Variants in PIP4P2 observed in about 807,000 individuals in gnomAD.
PIP4P2 encodes type 2 phosphatidylinositol 4,5-bisphosphate 4-phosphatase.
In PIP4P2, 19 loss-of-function variants were observed where a neutral mutation model predicts 33.3. The ratio of observed to expected loss-of-function variants is 0.57; its 90% CI spans 0.40 to 0.84. The LOEUF (loss-of-function observed/expected upper bound fraction) is 0.84. Ranked by LOEUF, PIP4P2 falls within the 40% of genes least tolerant of loss-of-function variation. The pLI is 0.00. For missense variants in PIP4P2, 270 were observed against 324.7 expected, an observed-to-expected ratio of 0.83 and a Z score of 1.29; for synonymous variants, 110 against 111.9, an observed-to-expected ratio of 0.98 and a Z score of 0.11.
chr8:90,996,540 G>T, intron 6 of PIP4P2, 114 bp downstream of exon 6: 1 of 727,682 alleles, frequency 1.4e-6, no homozygotes, highest in Non-Finnish European at 2.2e-6. Flanking sequence ...TTCTAGTGCT[G>T]GCATGCCAAG....
intron 5 of PIP4P2, among the ~76,000 whole-genome samples, chr8:90,997,241 T>C (rs1358455393): frequency 2.0e-5 from 3 of 152,104 alleles, no homozygotes; most frequent in Non-Finnish European, 4.4e-5. Flanking sequence ...CATACTTTCC[T>C]GTAGCCAATT....
chr8:91,008,824 A>C, intron 4 of PIP4P2, 29 bp from the exon 5 acceptor site: 1 of 1,568,798 alleles, frequency 6.4e-7, no homozygotes, highest in Non-Finnish European at 8.7e-7. Flanking sequence ...GAGGAATTGA[A>C]AAGAAAACAA....
intron 1 of PIP4P2, among the ~76,000 whole-genome samples, chr8:91,022,035 T>C (rs1477781838): frequency 6.6e-6 from 1 of 152,110 alleles, no homozygotes; most frequent in Admixed American, 6.6e-5. Flanking sequence ...ATAACAATTT[T>C]TAGTCTCAAA....
intron 5 of PIP4P2, among the ~76,000 whole-genome samples, chr8:91,004,708 C>A (rs1363301673): frequency 6.6e-6 from 1 of 152,128 alleles, no homozygotes; most frequent in East Asian, 1.9e-4. Context: ...AAGAGACATG[C>A]ATCCCTCTGA....
In PIP4P2 at chr8:91,040,708, T is replaced by A. The variant is rs775075382; in HGVS notation, c.42A>T (p.Ser14=). 3 of 1,613,092 alleles carry A rather than the reference T, an allele frequency of 1.9e-6. No homozygotes were observed. Among genetic ancestry groups the A allele is most frequent in the Middle Eastern group, 3.8e-4 (2 of 5,228 alleles). The change falls in exon 1 of 7, where the codon TCA becomes TCT. Residue 14 remains serine, a synonymous_variant. Coordinates refer to ENST00000285419, the MANE Select transcript of PIP4P2 (RefSeq NM_018710.3). ...GAGTGACATTTCCGGAGTGGGATGC[T>A]GACAGCAGAGGCGAGCGTTCGTCCA... ...DGVDERSPLL[S]ASHSGNVTPT... is the part of the protein sequence containing the mutation.
In PIP4P2 at chr8:91,005,838, T is replaced by C. The variant is rs1335483929; in HGVS notation, c.539+2905A>G. Among the ~76,000 whole-genome samples the C allele has an allele frequency of 3.9e-5, 6 of 152,318 alleles. No individual in the cohort carries two copies. The South Asian group carries it at 1.0e-3, about 26-fold the overall frequency. ...CCATTATAACATTTGCATGGAAACA[T>C]AGTCCAAACTGTATTTCAGAATGCT... On this transcript the variant is annotated intron_variant, in intron 5 of 6. Coordinates refer to ENST00000285419, the MANE Select transcript of PIP4P2 (RefSeq NM_018710.3).
intron 5 of PIP4P2, among the ~76,000 whole-genome samples, chr8:91,004,345 C>T (rs1277747259): frequency 6.6e-6 from 1 of 151,778 alleles, no homozygotes; most frequent in African/African-American, 2.4e-5. Flanking sequence ...GGGCCCCCAG[C>T]GAATTGGATG....
chr8:91,033,830 A>G (rs897442629), intron 1 of PIP4P2, among the ~76,000 whole-genome samples: 2 of 152,040 alleles, frequency 1.3e-5, no homozygotes, highest in African/African-American at 4.8e-5. Context: ...CGCAGGCTGG[A>G]GTACAATGGC....
Position 91,008,750 on chromosome 8 carries a change from T to G in PIP4P2, c.532A>C (p.Lys178Gln), listed in dbSNP as rs766001192. The G allele has an allele frequency of 2.0e-5, 33 of 1,610,102 alleles. No homozygotes were observed. The highest frequency in any genetic ancestry group is 2.8e-5 in the Non-Finnish European group (33 of 1,177,098). ...CAATGGTAGGGAACTTACATTTTTT[T>G]GCAGTGTGGGCATTTTGCCAGAGTG... The part of the protein sequence containing the change: ...FNTLAKCPHC[K>Q]KISSVGSALP... Residue 178 changes from lysine (K) to glutamine (Q), a missense_variant, in exon 5 of 7, where the codon AAA becomes CAA. By Grantham distance (53) the Lys-to-Gln change is moderately conservative (BLOSUM62 1). Coordinates refer to ENST00000285419, the MANE Select transcript of PIP4P2 (RefSeq NM_018710.3).
At position 91,020,243 on chromosome 8, in the gene PIP4P2, T is replaced by A; in HGVS notation, c.276A>T (p.Thr92=). The A allele has an allele frequency of 6.2e-7, 1 of 1,613,732 alleles. No individual in the cohort carries two copies. The highest frequency in any genetic ancestry group is 8.5e-7 in the Non-Finnish European group (1 of 1,179,768). ...NEATPIKNPP[T]GKKYVRCPCN... ...AAGGGCATCTAACATATTTCTTGCC[T>A]GTTGGGGGGTTTTTGATTGGCTGGA... Residue 92 remains threonine (T), a synonymous_variant, in exon 3 of 7, where the codon ACA becomes ACT. Coordinates refer to ENST00000285419, the MANE Select transcript of PIP4P2 (RefSeq NM_018710.3).
At position 91,018,452 on chromosome 8, in the gene PIP4P2, C is replaced by A; in HGVS notation, c.424G>T (p.Ala142Ser). The A allele has an allele frequency of 6.2e-7, 1 of 1,613,996 alleles. No individual in the cohort carries two copies. The highest frequency in any genetic ancestry group is 8.5e-7 in the Non-Finnish European group (1 of 1,179,936). Residue 142 changes from alanine (A) to serine (S), a missense_variant, in exon 4 of 7, where the codon GCA becomes TCA. By Grantham distance (99) the Ala-to-Ser change is moderately conservative (BLOSUM62 1). Coordinates refer to ENST00000285419, the MANE Select transcript of PIP4P2 (RefSeq NM_018710.3). Reference protein sequence around the residue: ...LISEEQPAQPALPIQPEGTRV... With the variant: ...LISEEQPAQPSLPIQPEGTRV... ...GTACCTTCTGGTTGGATTGGCAATG[C>A]AGGCTGAGCTGGTTGTTCTTCAGAA... is the stretch of plus-strand genomic sequence containing the variant.
At chr8:91,027,120 T>C (rs1420348541) in intron 1 of PIP4P2, among the ~76,000 whole-genome samples, 2 of 152,228 alleles carry the variant, frequency 1.3e-5, no homozygotes, top group East Asian at 3.8e-4. Flanking sequence ...AACAGAAATA[T>C]TAATTGTGCA....
intron 5 of PIP4P2, among the ~76,000 whole-genome samples, chr8:90,997,692 C>T (rs997329286): frequency 5.9e-5 from 9 of 152,006 alleles, no homozygotes; most frequent in African/African-American, 1.2e-4. Flanking sequence ...TGCAAGGCAT[C>T]GTGTTAGTGA....
At chr8:91,006,750 CCCGAGG>C (rs1179047664) in intron 5 of PIP4P2, among the ~76,000 whole-genome samples, 1 of 152,174 alleles carries the variant, frequency 6.6e-6, no homozygotes, top group East Asian at 1.9e-4. Flanking sequence ...GGGTGAATCA[CCCGAGG>C]TCAGGAGTTC....
In PIP4P2 at chr8:91,040,714, C is replaced by G. The variant is rs1266547208; in HGVS notation, c.36G>C (p.Leu12=). Residue 12 remains leucine, a synonymous_variant, in exon 1 of 7, where the codon CTG becomes CTC. Transcript: ENST00000285419. ...AADGVDERSP[L]LSASHSGNVT... ...CATTTCCGGAGTGGGATGCTGACAGCAGAGGCGAGCGTTCGTCCACCCCAT... is the reference window on the plus strand; with the variant it reads ...CATTTCCGGAGTGGGATGCTGACAGGAGAGGCGAGCGTTCGTCCACCCCAT... The G allele has an allele frequency of 6.2e-7, 1 of 1,612,800 alleles. No homozygotes were observed. Among genetic ancestry groups the G allele is most frequent in the African/African-American group, 1.3e-5 (1 of 74,886 alleles).
chr8:91,012,566 C>A (rs1563564074), intron 4 of PIP4P2, among the ~76,000 whole-genome samples: 1 of 152,106 alleles, frequency 6.6e-6, no homozygotes, highest in Admixed American at 6.6e-5. Flanking sequence ...CAGTGTTCCC[C>A]TAATCAACAA....
intron 1 of PIP4P2, among the ~76,000 whole-genome samples, chr8:91,040,052 TA>T (rs768215395): frequency 2.6e-5 from 4 of 152,168 alleles, no homozygotes; most frequent in Non-Finnish European, 4.4e-5. Flanking sequence ...TCCTTGAAAG[TA>T]GGAGTAAAAA....
At position 91,008,812 on chromosome 8, in the gene PIP4P2, G is replaced by T; in HGVS notation, c.487-17C>A. On this transcript the variant is annotated splice_polypyrimidine_tract_variant and intron_variant, in intron 4 of 6. Coordinates refer to ENST00000285419, the MANE Select transcript of PIP4P2 (RefSeq NM_018710.3). ...TTCCATCCACTGTAAAATAAACAAAGAGAGGAATTGAAAAGAAAACAACTG... is the reference window on the plus strand; with the variant it reads ...TTCCATCCACTGTAAAATAAACAAATAGAGGAATTGAAAAGAAAACAACTG... The T allele has an allele frequency of 1.9e-6, 3 of 1,582,138 alleles. No homozygotes were observed. The highest frequency in any genetic ancestry group is 2.6e-6 in the Non-Finnish European group (3 of 1,157,800).
intron 5 of PIP4P2, among the ~76,000 whole-genome samples, chr8:91,000,358 T>G (rs1811684985): frequency 6.6e-6 from 1 of 151,842 alleles, no homozygotes; most frequent in Non-Finnish European, 1.5e-5. Flanking sequence ...AGAAATTTCT[T>G]CTGGAATATT....
Sources: gnomAD v4.1 joint callset for allele counts (sites outside exome capture counted in the v4.1 genomes callset) on GRCh38, gnomAD v4.1.1 for gene constraint, MANE v1.5 for transcripts, NCBI Gene and HGNC (gene_info 2026-07-23, HGNC 2026-07-21) for gene names.